NUDT6: variants seen among roughly 807,000 people sequenced by gnomAD.
The protein encoded by NUDT6 is nudix hydrolase 6, also known as FAD diphosphatase NUDT6.
In NUDT6, 24 loss-of-function variants were observed where a neutral mutation model predicts 36.8. That is an observed-to-expected ratio of 0.65 (90% CI 0.47 to 0.92). The LOEUF is 0.92. Ranked by LOEUF, NUDT6 falls within the 40% of genes least tolerant of loss-of-function variation. The probability of loss-of-function intolerance (pLI) is 0.00; values close to 1 mark genes in which losing one functional copy is unlikely to be tolerated. For missense variants in NUDT6, 388 were observed against 392.8 expected (o/e 0.99, Z 0.10); for synonymous variants, 163 against 157.0 (o/e 1.04, Z -0.29).
At position 122,904,464 on chromosome 4, in the gene NUDT6, A is replaced by ATT. The variant is rs34200937; in HGVS notation, c.499-6788_499-6787dup. On this transcript the variant is annotated intron_variant, in intron 3 of 4. Coordinates refer to ENST00000304430, the MANE Select transcript of NUDT6 (RefSeq NM_007083.5). The stretch of plus-strand genomic sequence containing the variant: ...TTTTCTTCCCCACCTACTTTCTATA[A>ATT]TTTTTTTTTTTTTAGACAGAGTCTT... Among the ~76,000 whole-genome samples the ATT allele has an allele frequency of 2.1e-4, 31 of 146,326 alleles. No homozygotes were observed. In the Middle Eastern group the frequency reaches 0.014, roughly 68 times the overall value.
At chr4:122,918,766 T>A (rs1727903270) in intron 1 of NUDT6, 1 of 152,226 alleles carries the variant, frequency 6.6e-6, no homozygotes, top group South Asian at 2.1e-4. Context: ...TGAGTTAGCA[T>A]GCAGTGGAAT....
chr4:122,897,352 T>C, intron 4 of NUDT6: 1 of 407,036 alleles, frequency 2.5e-6, no homozygotes, highest in Non-Finnish European at 4.4e-6. Flanking sequence ...ATCCAAAGCT[T>C]CTCATTTTCA....
chr4:122,894,863 T>C (rs1578486510), intron 4 of NUDT6: 1 of 152,238 alleles, frequency 6.6e-6, no homozygotes, highest in East Asian at 1.9e-4. Context: ...TTTTATTCTT[T>C]ATGTTTGAAA....
chr4:122,915,252 C>T (rs566716152), intron 2 of NUDT6, among the ~76,000 whole-genome samples: 2 of 152,168 alleles, frequency 1.3e-5, no homozygotes, highest in South Asian at 4.2e-4. Flanking sequence ...ATTTTTCTTT[C>T]CACCTAAAAA....
At chr4:122,922,965 T>C, upstream of NUDT6, 1 of 702,486 alleles carries the variant, frequency 1.4e-6, no homozygotes, top group East Asian at 2.5e-5. Flanking sequence ...TTTCAAAGAC[T>C]GCTGGTTTTG....
intron 3 of NUDT6, among the ~76,000 whole-genome samples, chr4:122,907,277 T>C (rs531298390): frequency 6.6e-6 from 1 of 151,120 alleles, no homozygotes; most frequent in South Asian, 2.1e-4. Context: ...ATTACAGGCA[T>C]GCGCCACCAT....
At chr4:122,905,521 C>T (rs1727601208) in intron 3 of NUDT6, among the ~76,000 whole-genome samples, 1 of 152,158 alleles carries the variant, frequency 6.6e-6, no homozygotes, top group Non-Finnish European at 1.5e-5. Flanking sequence ...CAGAGACAGT[C>T]CCATTATTTG....
chr4:122,892,865 A>G lies in NUDT6; in HGVS notation c.914T>C (p.Leu305Pro), dbSNP rs1727225795. ...TTTCATAGTTTTATAATTCTCTGGC[A>G]GTTCCTTATGATAGAGTTTATAAAA... is the stretch of plus-strand genomic sequence containing the variant. ...GLFYKLYHKE[L>P]PENYKTMKGI... Residue 305 changes from leucine to proline, a missense_variant, in exon 5 of 5, where the codon CTG becomes CCG. Leu to Pro is a moderately conservative substitution (Grantham distance 98). Coordinates refer to ENST00000304430, the MANE Select transcript of NUDT6 (RefSeq NM_007083.5). 1.2e-6 allele frequency: 2 copies of G among 1,608,962 alleles called. No individual in the cohort carries two copies. The highest frequency in any genetic ancestry group is 1.3e-5 in the African/African-American group (1 of 74,856).
intron 3 of NUDT6, among the ~76,000 whole-genome samples, chr4:122,902,913 A>C (rs1316895085): frequency 6.6e-6 from 1 of 152,172 alleles, no homozygotes; most frequent in African/African-American, 2.4e-5. Flanking sequence ...GCCTGGGGAG[A>C]GTGAGGTACA....
intron 2 of NUDT6, 77 bp from the exon 3 acceptor site, chr4:122,912,700 G>A (rs1008512291): frequency 5.4e-5 from 50 of 921,266 alleles, no homozygotes; most frequent in Non-Finnish European, 8.1e-5. Context: ...CTCTCTATCT[G>A]TGGTGATAAA....
intron 1 of NUDT6, chr4:122,921,080 G>T (rs1163393475): frequency 6.6e-6 from 1 of 152,104 alleles, no homozygotes; most frequent in Non-Finnish European, 1.5e-5. Context: ...CAAAGTGAAG[G>T]CTCCTCCATC....
intron 3 of NUDT6, among the ~76,000 whole-genome samples, chr4:122,903,924 A>C (rs995402047): frequency 6.6e-6 from 1 of 152,220 alleles, no homozygotes; most frequent in Middle Eastern, 3.2e-3. Context: ...CAGATAAACC[A>C]GCACCAGCTG....
At chr4:122,918,023 C>T (rs988579805) in intron 1 of NUDT6, 2 of 270,704 alleles carry the variant, frequency 7.4e-6, no homozygotes, top group African/African-American at 2.2e-5. Flanking sequence ...GGATTTAAAC[C>T]GAATCAAATA....
chr4:122,910,528 G>A (rs1727712818), intron 3 of NUDT6, among the ~76,000 whole-genome samples: 1 of 152,102 alleles, frequency 6.6e-6, no homozygotes, highest in East Asian at 1.9e-4. Context: ...CATGTTATCT[G>A]GCTGTCTTTC....
At chr4:122,914,545 C>T (rs1363884925) in intron 2 of NUDT6, among the ~76,000 whole-genome samples, 1 of 152,114 alleles carries the variant, frequency 6.6e-6, no homozygotes, top group Non-Finnish European at 1.5e-5. Flanking sequence ...TATGATTAGG[C>T]ACTGTGCTTC....
intron 3 of NUDT6, among the ~76,000 whole-genome samples, chr4:122,906,182 T>C (rs1190726654): frequency 2.6e-5 from 4 of 152,310 alleles, no homozygotes; most frequent in African/African-American, 9.6e-5. Flanking sequence ...CTAGGCCTGA[T>C]TTTCAATATT....
chr4:122,903,201 TAAAA>T (rs1238620523), intron 3 of NUDT6, among the ~76,000 whole-genome samples: 8 of 152,140 alleles, frequency 5.3e-5, no homozygotes, highest in African/African-American at 1.7e-4. Context: ...GTTTATAACT[TAAAA>T]AAATCAAAAC....
intron 3 of NUDT6, chr4:122,898,186 T>G (rs1727425177): frequency 6.6e-6 from 1 of 152,632 alleles, no homozygotes. Context: ...GTAATTGCTT[T>G]TCATGAGTAG....
At chr4:122,898,179 AT>A (rs1363699739) in intron 3 of NUDT6, 2 of 152,496 alleles carry the variant, frequency 1.3e-5, no homozygotes, top group African/African-American at 4.8e-5. Flanking sequence ...TAAAAATGTA[AT>A]TGCTTTTCAT....
Sources: allele counts gnomAD v4.1 joint callset (sites outside exome capture counted in the v4.1 genomes callset), GRCh38; gene constraint gnomAD v4.1.1; transcripts MANE v1.5; gene names NCBI Gene and HGNC (gene_info 2026-07-23, HGNC 2026-07-21).